The following ANO5 variants were observed in gnomAD, a reference collection of about 807,000 sequenced individuals.
ANO5 encodes anoctamin 5.
Under a neutral mutation model 121.0 loss-of-function variants are expected in ANO5, and 109 were observed. The ratio of observed to expected loss-of-function variants is 0.90; its 90% CI spans 0.77 to 1.06. ANO5 has a LOEUF of 1.06. Ranked by LOEUF, ANO5 falls within the 50% of genes least tolerant of loss-of-function variation. ANO5 has a pLI of 0.00. For missense variants in ANO5, 1,064 were observed against 1,078.5 expected (o/e 0.99, Z 0.19); for synonymous variants, 406 against 359.9 (o/e 1.13, Z -1.45).
At chr11:22,199,018 T>A (rs1851888891) in intron 1 of ANO5, among the ~76,000 whole-genome samples, 1 of 152,164 alleles carries the variant, frequency 6.6e-6, no homozygotes, top group African/African-American at 2.4e-5. Context: ...TCCCTTTAGA[T>A]TTGTATCTTT....
In ANO5 at chr11:22,238,866, A is replaced by G. The variant is rs114198732; in HGVS notation, c.763-703A>G. Reference sequence around the variant, plus strand: ...AGTAACTCATCATTTAACGTTAGGTATATCTCCAACGTGCTAAATTTTAAA... The same window carrying G: ...AGTAACTCATCATTTAACGTTAGGTGTATCTCCAACGTGCTAAATTTTAAA... On this transcript the variant is annotated intron_variant, in intron 8 of 21. Coordinates refer to ENST00000324559, the MANE Select transcript of ANO5 (RefSeq NM_213599.3). Among the ~76,000 whole-genome samples the G allele has an allele frequency of 7.6e-3, 1,151 of 152,212 alleles. 12 individuals are homozygous for G. Among genetic ancestry groups the G allele is most frequent in the African/African-American group, 0.027 (1,107 of 41,554 alleles).
chr11:22,253,596 A>G (rs916623772), intron 12 of ANO5, among the ~76,000 whole-genome samples: 1 of 152,192 alleles, frequency 6.6e-6, no homozygotes, highest in Non-Finnish European at 1.5e-5. Flanking sequence ...TCTCCCTGCT[A>G]ACAATGTATC....
At chr11:22,207,167 A>G (rs1366806352) in intron 2 of ANO5, among the ~76,000 whole-genome samples, 1 of 152,152 alleles carries the variant, frequency 6.6e-6, no homozygotes, top group African/African-American at 2.4e-5. Context: ...TATCTGTATG[A>G]CATTTCATAG....
chr11:22,257,854 C>G (rs1360933772), intron 14 of ANO5, 100 bp downstream of exon 14: 1 of 946,494 alleles, frequency 1.1e-6, no homozygotes, highest in East Asian at 2.6e-5. Flanking sequence ...CTTTCCTTTC[C>G]CTCTCCCTCC....
chr11:22,263,632 T>A (rs112887813), intron 17 of ANO5, among the ~76,000 whole-genome samples: 44 of 152,278 alleles, frequency 2.9e-4, no homozygotes, highest in African/African-American at 9.6e-4. Flanking sequence ...AAATAGTAGA[T>A]GAAAATTGTC....
At chr11:22,214,932 C>G (rs140560103) in intron 3 of ANO5, among the ~76,000 whole-genome samples, 2 of 151,776 alleles carry the variant, frequency 1.3e-5, no homozygotes, top group Non-Finnish European at 2.9e-5. Flanking sequence ...ATTTAAAATT[C>G]TATTTGAAAC....
chr11:22,208,051 G>A (rs1852171736), intron 2 of ANO5, among the ~76,000 whole-genome samples: 1 of 151,996 alleles, frequency 6.6e-6, no homozygotes, highest in South Asian at 2.1e-4. Context: ...AGGATGCAGA[G>A]AAACTAGATC....
At position 22,263,052 on chromosome 11, in the gene ANO5, G is replaced by T; in HGVS notation, c.1898+9G>T. ...AAAGAAGCCATTTATCCGTATGTATGACTTACAAGCTTTTTATTTGATTTA... is the reference window on the plus strand; with the variant it reads ...AAAGAAGCCATTTATCCGTATGTATTACTTACAAGCTTTTTATTTGATTTA... On this transcript the variant is annotated intron_variant, in intron 17 of 21. Transcript: ENST00000324559. The T allele has an allele frequency of 6.3e-7, 1 of 1,590,722 alleles. No individual in the cohort carries two copies. Among genetic ancestry groups the T allele is most frequent in the South Asian group, 1.1e-5 (1 of 90,586 alleles).
intron 16 of ANO5, 97 bp from the exon 17 acceptor site, chr11:22,262,849 T>C: frequency 1.0e-6 from 1 of 977,652 alleles, no homozygotes; most frequent in Non-Finnish European, 1.6e-6. Context: ...CCAAAACCTT[T>C]AGATTCTAAT....
At position 22,195,971 on chromosome 11, in the gene ANO5, G is replaced by A. The variant is rs1851798338; in HGVS notation, c.40+2439G>A. ...TGATGAGATCAGGGCCTAAAGAGCA[G>A]CATAGTTCAGGCCACTCATATGACT... On this transcript the variant is annotated intron_variant, in intron 1 of 21. Coordinates refer to ENST00000324559, the MANE Select transcript of ANO5 (RefSeq NM_213599.3). 2.0e-5 allele frequency among the ~76,000 whole-genome samples: 3 copies of A among 152,152 alleles called. No homozygotes were observed. The South Asian group carries it at 6.2e-4, about 32-fold the overall frequency.
intron 13 of ANO5, among the ~76,000 whole-genome samples, chr11:22,257,114 T>A (rs572409471): frequency 6.6e-6 from 1 of 152,178 alleles, no homozygotes; most frequent in African/African-American, 2.4e-5. Flanking sequence ...TTTTTACTAT[T>A]TTTTGCTTCT....
At chr11:22,202,533 A>G (rs139002675) in intron 1 of ANO5, among the ~76,000 whole-genome samples, 7 of 152,076 alleles carry the variant, frequency 4.6e-5, no homozygotes, top group Non-Finnish European at 7.4e-5. Flanking sequence ...TATTTCTCAC[A>G]GTTCTGGGTG....
intron 3 of ANO5, among the ~76,000 whole-genome samples, chr11:22,213,709 C>T (rs1852353511): frequency 1.3e-5 from 2 of 151,908 alleles, no homozygotes; most frequent in South Asian, 4.2e-4. Context: ...ATTATGCTCT[C>T]CCTCCTTATA....
In ANO5 at chr11:22,239,615, G is replaced by T. The variant is rs772951537; in HGVS notation, c.809G>T (p.Arg270Ile). The part of the protein sequence containing the change: ...PSEPPNPTNE[R>I]YTLHQNWARF... Reference sequence around the variant, plus strand: ...GAACCTCCCAATCCTACCAATGAAAGATACACACTTCACCAGAATTGGGCT... The same window carrying T: ...GAACCTCCCAATCCTACCAATGAAATATACACACTTCACCAGAATTGGGCT... The change falls in exon 9 of 22, where the codon AGA becomes ATA. Residue 270 changes from arginine to isoleucine, a missense_variant. Physicochemically the swap from Arg to Ile is moderately conservative, Grantham distance 97. Transcript: ENST00000324559. 1 of 1,612,934 alleles carries T rather than the reference G, an allele frequency of 6.2e-7. No homozygotes were observed. The highest frequency in any genetic ancestry group is 1.1e-5 in the South Asian group (1 of 91,072).
intron 21 of ANO5, chr11:22,278,006 A>G (rs923767809): frequency 6.6e-6 from 1 of 151,740 alleles, no homozygotes; most frequent in African/African-American, 2.4e-5. Flanking sequence ...TTTGGAATAG[A>G]ATGTATAATT....
intron 17 of ANO5, among the ~76,000 whole-genome samples, chr11:22,269,420 AAAGAG>A (rs1322753057): frequency 2.0e-5 from 3 of 150,466 alleles, no homozygotes; most frequent in African/African-American, 4.9e-5. Context: ...AAGAGAAGGA[AAAGAG>A]AAGGGAAGGG....
At chr11:22,194,686 A>G (rs1301204033) in intron 1 of ANO5, among the ~76,000 whole-genome samples, 1 of 152,230 alleles carries the variant, frequency 6.6e-6, no homozygotes, top group Non-Finnish European at 1.5e-5. Context: ...ATAGAATCAT[A>G]CAACATGTGG....
At chr11:22,274,192 A>ACACC (rs57239068) in intron 19 of ANO5, among the ~76,000 whole-genome samples, 28 of 146,356 alleles carry the variant, frequency 1.9e-4, no homozygotes, top group African/African-American at 7.3e-4. Context: ...ACACACACAC[A>ACACC]CCCGCAGTCC....
At chr11:22,264,180 C>G (rs777350456) in intron 17 of ANO5, among the ~76,000 whole-genome samples, 1 of 151,900 alleles carries the variant, frequency 6.6e-6, no homozygotes, top group Non-Finnish European at 1.5e-5. Context: ...TGTGCCACCA[C>G]ACCTAGCTAA....
Sources: gnomAD v4.1 joint callset for allele counts (sites outside exome capture counted in the v4.1 genomes callset) on GRCh38, gnomAD v4.1.1 for gene constraint, MANE v1.5 for transcripts, NCBI Gene and HGNC (gene_info 2026-07-23, HGNC 2026-07-21) for gene names.